EDARADD: variants seen among roughly 807,000 people sequenced by gnomAD.
EDARADD encodes the protein EDAR associated via death domain.
Under a neutral mutation model 25.6 loss-of-function variants are expected in EDARADD, and 20 were observed. The observed-to-expected ratio is 0.78, with a 90% confidence interval of 0.55 to 1.14. EDARADD has a LOEUF of 1.14. Ranked by LOEUF, EDARADD falls within the 50% of genes most tolerant of loss-of-function variation. The pLI is 0.00. For missense variants in EDARADD, 225 were observed against 270.1 expected (o/e 0.83, Z 1.17); for synonymous variants, 86 against 94.4 (o/e 0.91, Z 0.52).
rs577963160 is a variant in EDARADD at position 236,362,987 on chromosome 1, G to GAAAAAAAAAAAAAAAAA, written c.-6+12152_-6+12168dup. Among the ~76,000 whole-genome samples, 8 of 29,564 alleles carry GAAAAAAAAAAAAAAAAA rather than the reference G, an allele frequency of 2.7e-4. 2 individuals are homozygous for GAAAAAAAAAAAAAAAAA. In the Admixed American group the frequency reaches 3.1e-3, roughly 11 times the overall value. The allele number at this position is 29,564 out of a possible 152,430, so 19.4% of individuals were successfully genotyped here. A position where few individuals can be genotyped will look rare whatever the true frequency, so the allele number is the denominator to read the frequency against. ...TCAAGACTCTGTCTTCTTTTTTTAA[G>GAAAAAAAAAAAAAAAAA]AAAAAAAAAAAAAAAAAAAATATAT... On this transcript the variant is annotated intron_variant, in intron 3 of 7. Coordinates refer to the EDARADD transcript ENST00000439430.
intron 2 of EDARADD, among the ~76,000 whole-genome samples, chr1:236,410,299 A>G (rs1339069603): frequency 7.2e-6 from 1 of 138,298 alleles, no homozygotes; most frequent in African/African-American, 2.7e-5. Flanking sequence ...CTTTATGTCC[A>G]TGGGTACCCA....
intron 5 of EDARADD, among the ~76,000 whole-genome samples, chr1:236,480,666 C>T (rs919076445): frequency 6.6e-6 from 1 of 152,124 alleles, no homozygotes; most frequent in Non-Finnish European, 1.5e-5. Flanking sequence ...CTAAAGTGAC[C>T]TTTGGCTGTT....
At chr1:236,353,573 G>A (rs994807669) in intron 3 of EDARADD, among the ~76,000 whole-genome samples, 6 of 151,534 alleles carry the variant, frequency 4.0e-5, no homozygotes, top group African/African-American at 1.5e-4. Context: ...CAGCTACTCA[G>A]GAGGCTGAGG....
intron 5 of EDARADD, among the ~76,000 whole-genome samples, chr1:236,472,000 C>T (rs1659373060): frequency 6.6e-6 from 1 of 152,138 alleles, no homozygotes. Context: ...TAGATACAGA[C>T]ACTACCAGAC....
At chr1:236,447,327 G>A (rs750389870) in intron 4 of EDARADD, among the ~76,000 whole-genome samples, 3 of 150,724 alleles carry the variant, frequency 2.0e-5, no homozygotes, top group South Asian at 4.2e-4. Context: ...CTGCAATCTC[G>A]GCTCACTGCA....
At chr1:236,434,169 A>C (rs961039782) in intron 4 of EDARADD, among the ~76,000 whole-genome samples, 2 of 152,146 alleles carry the variant, frequency 1.3e-5, no homozygotes, top group Non-Finnish European at 2.9e-5. Flanking sequence ...TGCAGGCCTT[A>C]TGTGGCCCAG....
chr1:236,423,774 G>T (rs923655626), intron 3 of EDARADD, among the ~76,000 whole-genome samples: 1 of 152,162 alleles, frequency 6.6e-6, no homozygotes, highest in Non-Finnish European at 1.5e-5. Flanking sequence ...TAGGCATGGG[G>T]TATGGAAGCC....
intron 3 of EDARADD, among the ~76,000 whole-genome samples, chr1:236,417,108 C>A (rs562360555): frequency 7.2e-6 from 1 of 139,394 alleles, no homozygotes; most frequent in African/African-American, 2.6e-5. Context: ...AGAATGAGAC[C>A]CTGTCTCAAA....
intron 3 of EDARADD, among the ~76,000 whole-genome samples, chr1:236,426,518 A>C (rs1657923273): frequency 6.6e-6 from 1 of 152,220 alleles, no homozygotes; most frequent in African/African-American, 2.4e-5. Flanking sequence ...TTGTGGCATC[A>C]AAAGGGTAGG....
At chr1:236,407,780 G>A in intron 1 of EDARADD, among the ~76,000 whole-genome samples, 1 of 152,168 alleles carries the variant, frequency 6.6e-6, no homozygotes, top group East Asian at 1.9e-4. Context: ...AAGCATTTTG[G>A]AGATGGGAAA....
chr1:236,445,999 G>T (rs544739639), intron 4 of EDARADD, among the ~76,000 whole-genome samples: 1 of 152,148 alleles, frequency 6.6e-6, no homozygotes, highest in Admixed American at 6.5e-5. Flanking sequence ...GTCAATTGTC[G>T]GAGAGTGAGA....
chr1:236,405,723 CTTTT>C (rs1188518167), intron 1 of EDARADD, among the ~76,000 whole-genome samples: 22 of 146,126 alleles, frequency 1.5e-4, no homozygotes, highest in Non-Finnish European at 2.4e-4. Flanking sequence ...TCCTTCCTTT[CTTTT>C]TCTTTCTTTC....
chr1:236,448,743 C>G (rs1205122119), intron 4 of EDARADD, among the ~76,000 whole-genome samples: 3 of 152,184 alleles, frequency 2.0e-5, no homozygotes, highest in African/African-American at 7.2e-5. Context: ...GAAATGCCGT[C>G]TTCACCTAAC....
chr1:236,478,275 A>G (rs1027683059), intron 5 of EDARADD, among the ~76,000 whole-genome samples: 1 of 151,924 alleles, frequency 6.6e-6, no homozygotes. Flanking sequence ...TTTATGTGAA[A>G]GGTATGCATC....
chr1:236,431,900 C>G (rs1222563601), intron 4 of EDARADD, among the ~76,000 whole-genome samples: 1 of 43,446 alleles, frequency 2.3e-5, no homozygotes, highest in African/African-American at 4.6e-5. Context: ...CGCAGTCCGA[C>G]CTGGGCGACA....
intron 3 of EDARADD, among the ~76,000 whole-genome samples, chr1:236,371,816 C>T (rs1330042454): frequency 6.6e-6 from 1 of 151,926 alleles, no homozygotes; most frequent in Non-Finnish European, 1.5e-5. Flanking sequence ...AGGTGATCTG[C>T]CCGCCTTGGC....
intron 4 of EDARADD, among the ~76,000 whole-genome samples, chr1:236,431,718 G>A (rs1658099250): frequency 2.0e-5 from 1 of 51,170 alleles, no homozygotes; most frequent in African/African-American, 3.8e-5. Flanking sequence ...TCAGGAGATC[G>A]AGACCATCCT....
At chr1:236,423,053 G>A (rs1368229988) in intron 3 of EDARADD, among the ~76,000 whole-genome samples, 1 of 152,184 alleles carries the variant, frequency 6.6e-6, no homozygotes, top group Admixed American at 6.5e-5. Context: ...TTCAGCTATC[G>A]TGGGTGGTCC....
upstream of EDARADD, among the ~76,000 whole-genome samples, chr1:236,390,961 T>TA (rs3050726): frequency 9.4e-4 from 143 of 151,374 alleles, no homozygotes; most frequent in African/African-American, 1.8e-3. Context: ...TTATTATTAT[T>TA]TTTTGAGATG....
Sources: gnomAD v4.1 joint callset for allele counts (sites outside exome capture counted in the v4.1 genomes callset) on GRCh38, gnomAD v4.1.1 for gene constraint, MANE v1.5 for transcripts, NCBI Gene and HGNC (gene_info 2026-07-23, HGNC 2026-07-21) for gene names.